Variants in KMT2A observed in about 807,000 individuals in gnomAD.
The protein encoded by KMT2A is histone-lysine N-methyltransferase 2A.
In KMT2A, 16 loss-of-function variants were observed where a neutral mutation model predicts 345.3. The observed-to-expected ratio is 0.05, with a 90% CI of 0.03 to 0.07. The LOEUF is 0.07. KMT2A is among the 10% of genes least tolerant of loss of function. The pLI, the probability that KMT2A is intolerant of heterozygous loss-of-function variation, is 1.00. For synonymous variants in KMT2A, 1,599 were observed against 1,778.6 expected, an observed-to-expected ratio of 0.90 and a Z score of 2.54; for missense variants, 3,272 against 4,841.6, an observed-to-expected ratio of 0.68 and a Z score of 9.62.
chr11:118,472,061 G>A lies in KMT2A; in HGVS notation c.902G>A (p.Arg301Gln), dbSNP rs781978595. 2.5e-6 allele frequency: 4 copies of A among 1,613,608 alleles called. No homozygotes were observed. The Middle Eastern group carries it at 5.0e-4, about 200-fold the overall frequency. ...GGAAGGAAGGGGGTACAAATTGTACGACGGAGAGGAAGGCCTCCATCAACA... is the reference window on the plus strand; with the variant it reads ...GGAAGGAAGGGGGTACAAATTGTACAACGGAGAGGAAGGCCTCCATCAACA... ...QIGRKGVQIV[R>Q]RRGRPPSTER... is the part of the protein sequence containing the mutation. Residue 301 changes from arginine (R) to glutamine (Q), a missense_variant, in exon 3 of 36, where the codon CGA becomes CAA. Coordinates refer to ENST00000534358, the MANE Select transcript of KMT2A (RefSeq NM_001197104.2).
chr11:118,462,294 A>G (rs1463494453), intron 1 of KMT2A, among the ~76,000 whole-genome samples: 1 of 151,782 alleles, frequency 6.6e-6, no homozygotes, highest in African/African-American at 2.4e-5. Context: ...TGCTTTCTCA[A>G]CTTGGCTTTA....
chr11:118,472,115 T>G lies in KMT2A; in HGVS notation c.956T>G (p.Leu319Arg). Residue 319 changes from leucine (L) to arginine (R), a missense_variant, in exon 3 of 36, where the codon CTC (leucine) becomes CGC (arginine). Physicochemically the swap from Leu to Arg is moderately radical, Grantham distance 102. Transcript: ENST00000534358. ...TERIKTPSGL[L>R]INSELEKPQK... ...AGGATAAAGACCCCTTCGGGTCTCC[T>G]CATTAATTCTGAACTGGAAAAGCCC... 6.2e-7 allele frequency: 1 copy of G among 1,613,920 alleles called. No individual in the cohort carries two copies. Among genetic ancestry groups the G allele is most frequent in the Non-Finnish European group, 8.5e-7 (1 of 1,179,946 alleles).
chr11:118,461,775 A>G (rs1949748182), intron 1 of KMT2A, among the ~76,000 whole-genome samples: 1 of 152,136 alleles, frequency 6.6e-6, no homozygotes, highest in Non-Finnish European at 1.5e-5. Flanking sequence ...TTTTATACAC[A>G]TATTACTGTA....
rs11443977 is a variant in KMT2A, at chr11:118,519,077, C to CAAA, written c.11147-521_11147-519dup. ...TGGGTGGCAGAGTGAGACTCCATCT[C>CAAA]AAAAAAAAAAAAAAAAAAAAAAGAA... is the stretch of plus-strand genomic sequence containing the variant. On this transcript the variant is annotated intron_variant, in intron 31 of 35. Transcript: ENST00000534358. Among the ~76,000 whole-genome samples the CAAA allele has an allele frequency of 3.4e-3, 224 of 64,954 alleles. 2 individuals carry two copies. The highest frequency in any genetic ancestry group is 4.0e-3 in the East Asian group (7 of 1,744). 42.6% of individuals were successfully genotyped at this position (64,954 alleles called of 152,430 possible).
chr11:118,520,539 T>A lies in KMT2A; in HGVS notation c.11430-263T>A, dbSNP rs1227476814. The stretch of plus-strand genomic sequence containing the variant: ...GGTGGCGCGCGCCTGTAGTCCCACC[T>A]ACTCAGCAGGCTGAGGCAAGAGAAT... On this transcript the variant is annotated intron_variant, in intron 33 of 35. Transcript: ENST00000534358. The surrounding 1 kb of genome is among the most constrained non-coding windows in gnomAD (Gnocchi z 4.3). The A allele has an allele frequency of 6.4e-6, 3 of 467,096 alleles. No individual in the cohort carries two copies. The highest frequency in any genetic ancestry group is 1.2e-5 in the Non-Finnish European group (3 of 258,180). The allele number at this position is 467,096 out of a possible 1,614,324, so 28.9% of individuals were successfully genotyped here.
Position 118,519,741 on chromosome 11 carries a change from A to G in KMT2A, c.11270A>G (p.Asn3757Ser), listed in dbSNP as rs564690648. The G allele has an allele frequency of 3.3e-5, 53 of 1,614,178 alleles. No homozygotes were observed. In the South Asian group the frequency reaches 3.8e-4, roughly 12 times the overall value. Residue 3757 changes from asparagine (N) to serine (S), a missense_variant, in exon 32 of 36, where the codon AAT (asparagine) becomes AGT (serine). Around this residue, in one of 27 missense-constraint regions of KMT2A, gnomAD observed 72 missense variants for 135.6 expected, o/e 0.53. Transcript: ENST00000534358. The part of the protein sequence containing the change: ...KFRFHKPEEA[N>S]EPPLNPHGSA... The stretch of plus-strand genomic sequence containing the variant: ...CGTTTCCACAAGCCAGAGGAGGCCA[A>G]TGAACCCCCCTTGAACCCTCACGGC...
In KMT2A at chr11:118,526,704, A is replaced by G; in HGVS notation, c.*4532A>G. The G allele has an allele frequency of 4.3e-6, 1 of 231,734 alleles. No homozygotes were observed. 14.4% of individuals were successfully genotyped at this position (231,734 alleles called of 1,614,324 possible). A position where few individuals can be genotyped will look rare whatever the true frequency, so the allele number is the denominator to read the frequency against. ...TAATGCTGAAAGCTCTCTACGAAAG[A>G]CTGAATGTAAAAGTAAAAAGTGTAC... On this transcript the variant is annotated 3_prime_UTR_variant, in exon 36 of 36. Coordinates refer to ENST00000534358, the MANE Select transcript of KMT2A (RefSeq NM_001197104.2).
chr11:118,490,209 T>C lies in KMT2A; in HGVS notation c.4656T>C (p.Asp1552=), dbSNP rs1950303521. ...GGTGGGATGCACAGTGGTCTCATGA[T>C]TTCTCACTGTGTCATGATTGCGCCA... The part of the protein sequence containing the change: ...GKGWDAQWSH[D]FSLCHDCAKL... The change falls in exon 13 of 36, where the codon GAT becomes GAC. Residue 1552 remains aspartate, a synonymous_variant. Coordinates refer to ENST00000534358, the MANE Select transcript of KMT2A (RefSeq NM_001197104.2). The surrounding 1 kb of genome is among the most constrained non-coding windows in gnomAD (Gnocchi z 4.2). 3 of 1,581,472 alleles carry C rather than the reference T, an allele frequency of 1.9e-6. No individual in the cohort carries two copies. The highest frequency in any genetic ancestry group is 2.0e-5 in the Admixed American group (1 of 49,010).
At position 118,523,527 on chromosome 11, in the gene KMT2A, ACT is replaced by A. The variant is rs1384133083; in HGVS notation, c.*1358_*1359del. 4.5e-6 allele frequency: 1 copy of A among 224,428 alleles called. No individual in the cohort carries two copies. The highest frequency in any genetic ancestry group is 8.9e-6 in the Non-Finnish European group (1 of 112,458). The allele number at this position is 224,428 out of a possible 1,614,324, so 13.9% of individuals were successfully genotyped here. On this transcript the variant is annotated 3_prime_UTR_variant, in exon 36 of 36. Coordinates refer to ENST00000534358, the MANE Select transcript of KMT2A (RefSeq NM_001197104.2). Reference sequence around the variant, plus strand: ...CTGTTAAATTAAGTCATTGGATTTTACTCTGTTCTGTTTACAGTTTACTATTT... The same window carrying A: ...CTGTTAAATTAAGTCATTGGATTTTACTGTTCTGTTTACAGTTTACTATTT...
rs1203765542 is a variant in KMT2A at position 118,523,118 on chromosome 11, A to G, written c.*946A>G. On this transcript the variant is annotated 3_prime_UTR_variant, in exon 36 of 36. Coordinates refer to ENST00000534358, the MANE Select transcript of KMT2A (RefSeq NM_001197104.2). ...CATAAAGCTCCATGGAGAGTTTTAAAGAAACATATGTAGCATGATTTTGTA... is the reference window on the plus strand; with the variant it reads ...CATAAAGCTCCATGGAGAGTTTTAAGGAAACATATGTAGCATGATTTTGTA... 8.9e-6 allele frequency: 2 copies of G among 225,320 alleles called. No homozygotes were observed. Among genetic ancestry groups the G allele is most frequent in the Non-Finnish European group, 1.8e-5 (2 of 112,894 alleles). 14.0% of individuals were successfully genotyped at this position (225,320 alleles called of 1,614,324 possible).
rs1319120816 is a variant in KMT2A at position 118,489,985 on chromosome 11, T to C, written c.4575+98T>C. 3.5e-6 allele frequency: 5 copies of C among 1,416,906 alleles called. No individual in the cohort carries two copies. In the African/African-American group the frequency reaches 7.1e-5, roughly 20 times the overall value. 87.8% of individuals were successfully genotyped at this position (1,416,906 alleles called of 1,614,324 possible). A position where few individuals can be genotyped will look rare whatever the true frequency, so the allele number is the denominator to read the frequency against. On this transcript the variant is annotated intron_variant, in intron 12 of 35. Coordinates refer to ENST00000534358, the MANE Select transcript of KMT2A (RefSeq NM_001197104.2). ...AAATATCTATGCTTGAGGATGTCAG[T>C]ATGACAATCTTTTTGCCTCATTACT...
At chr11:118,447,298 GT>G (rs1949442932) in intron 1 of KMT2A, among the ~76,000 whole-genome samples, 1 of 152,098 alleles carries the variant, frequency 6.6e-6, no homozygotes, top group South Asian at 2.1e-4. Context: ...TATGTTTTAT[GT>G]TTTTTATAAT....
At chr11:118,477,818 AT>A in intron 4 of KMT2A, 148 bp from the exon 5 acceptor site, 1 of 610,506 alleles carries the variant, frequency 1.6e-6, no homozygotes, top group Non-Finnish European at 2.7e-6. Context: ...AGTTATTGGC[AT>A]TTTTAAACAT....
chr11:118,459,828 A>C (rs897533107), intron 1 of KMT2A, among the ~76,000 whole-genome samples: 1 of 146,622 alleles, frequency 6.8e-6, no homozygotes, highest in Non-Finnish European at 1.5e-5. Context: ...CTAGGATTAC[A>C]GGCGGGCACT....
chr11:118,499,045 CTTA>C (rs1555044887), intron 22 of KMT2A, among the ~76,000 whole-genome samples: 3 of 152,138 alleles, frequency 2.0e-5, no homozygotes, highest in African/African-American at 4.8e-5. Context: ...CTTTTCATGG[CTTA>C]TTTAGTTGCT....
Position 118,525,756 on chromosome 11 carries a change from C to A in KMT2A, c.*3584C>A. On this transcript the variant is annotated 3_prime_UTR_variant, in exon 36 of 36. Transcript: ENST00000534358. ...CTTGTCAGATGTTAACTTCTAAGTT[C>A]GGTTTGGGATTTTTTTTTTTTAATA... 4.4e-6 allele frequency: 1 copy of A among 225,566 alleles called. No individual in the cohort carries two copies. The highest frequency in any genetic ancestry group is 6.4e-5 in the East Asian group (1 of 15,628). The allele number at this position is 225,566 out of a possible 1,614,324, so 14.0% of individuals were successfully genotyped here. A position where few individuals can be genotyped will look rare whatever the true frequency, so the allele number is the denominator to read the frequency against.
chr11:118,486,340 G>A (rs782450739), intron 10 of KMT2A, among the ~76,000 whole-genome samples: 1 of 150,050 alleles, frequency 6.7e-6, no homozygotes, highest in Non-Finnish European at 1.5e-5. Context: ...TTAAGAGTGT[G>A]GTTGGATTAT....
intron 1 of KMT2A, among the ~76,000 whole-genome samples, chr11:118,446,787 A>G (rs1434092205): frequency 6.6e-6 from 1 of 152,228 alleles, no homozygotes; most frequent in Non-Finnish European, 1.5e-5. Context: ...AGATCAGAGT[A>G]TGTCACTTTA....
At chr11:118,467,259 C>T (rs1339778275) in intron 1 of KMT2A, among the ~76,000 whole-genome samples, 2 of 151,816 alleles carry the variant, frequency 1.3e-5, no homozygotes, top group Non-Finnish European at 2.9e-5. Context: ...GGCCTCTAGT[C>T]TTAGCTATTC....
Sources: gnomAD v4.1 joint callset for allele counts (sites outside exome capture counted in the v4.1 genomes callset) on GRCh38, gnomAD v4.1.1 for gene constraint, gnomAD v4.1.1 regional missense constraint, Gnocchi (gnomAD v3.1) non-coding constraint, MANE v1.5 for transcripts, NCBI Gene and HGNC (gene_info 2026-07-23, HGNC 2026-07-21) for gene names.